RSBN1L: variants seen among roughly 807,000 people sequenced by gnomAD.
The protein encoded by RSBN1L is lysine-specific demethylase RSBN1L.
In RSBN1L, 30 loss-of-function variants were observed where a neutral mutation model predicts 67.7. The ratio of observed to expected loss-of-function variants is 0.44; its 90% confidence interval spans 0.33 to 0.60. The LOEUF is 0.60. Among genes scored for constraint, RSBN1L ranks in the 20% least tolerant of loss-of-function variants. The pLI is 0.02. For synonymous variants in RSBN1L, 433 were observed against 387.0 expected (o/e 1.12, Z -1.39); for missense variants, 992 against 1,031.7 (o/e 0.96, Z 0.53).
At chr7:77,771,127 A>G (rs899556394) in intron 5 of RSBN1L, among the ~76,000 whole-genome samples, 17 of 152,028 alleles carry the variant, frequency 1.1e-4, no homozygotes, top group Non-Finnish European at 1.5e-4. Flanking sequence ...TTTTCAGTAG[A>G]GATGGTGTTT....
chr7:77,751,917 C>CTA (rs1791561550), intron 3 of RSBN1L, among the ~76,000 whole-genome samples: 1 of 152,170 alleles, frequency 6.6e-6, no homozygotes, highest in Non-Finnish European at 1.5e-5. Flanking sequence ...TGCTTTGATA[C>CTA]TATGCAAGTT....
intron 5 of RSBN1L, among the ~76,000 whole-genome samples, chr7:77,771,974 C>T (rs1163736828): frequency 6.6e-6 from 1 of 152,074 alleles, no homozygotes; most frequent in Non-Finnish European, 1.5e-5. Flanking sequence ...TCAGGGTATA[C>T]AACCCATGGT....
intron 3 of RSBN1L, chr7:77,759,652 G>C (rs529902062): frequency 1.3e-5 from 2 of 152,174 alleles, no homozygotes; most frequent in Non-Finnish European, 2.9e-5. Flanking sequence ...CTCTAATAAT[G>C]ATCCTGTTTT....
intron 5 of RSBN1L, among the ~76,000 whole-genome samples, chr7:77,769,253 T>C (rs1791813974): frequency 1.3e-5 from 2 of 152,186 alleles, no homozygotes; most frequent in Non-Finnish European, 2.9e-5. Context: ...CATAAGGAAG[T>C]AAACTTTTCA....
At chr7:77,743,816 A>G (rs999056694) in intron 2 of RSBN1L, among the ~76,000 whole-genome samples, 4 of 151,994 alleles carry the variant, frequency 2.6e-5, no homozygotes, top group Admixed American at 1.3e-4. Flanking sequence ...TTTTTATTGC[A>G]TTACTGCCTT....
At chr7:77,772,514 G>A (rs1791862838) in intron 5 of RSBN1L, among the ~76,000 whole-genome samples, 1 of 152,252 alleles carries the variant, frequency 6.6e-6, no homozygotes, top group African/African-American at 2.4e-5. Flanking sequence ...TGGTGGAGGA[G>A]AGGGCCAGTG....
At chr7:77,765,697 A>G in intron 4 of RSBN1L, 65 bp downstream of exon 4, 1 of 1,142,584 alleles carries the variant, frequency 8.8e-7, no homozygotes, top group Non-Finnish European at 1.2e-6. Context: ...AACCAATATG[A>G]GTAATCTAAA....
At chr7:77,713,589 C>G (rs1791005464) in intron 1 of RSBN1L, among the ~76,000 whole-genome samples, 1 of 151,982 alleles carries the variant, frequency 6.6e-6, no homozygotes. Flanking sequence ...ATCTCCTGAC[C>G]TCATGATCCA....
intron 2 of RSBN1L, among the ~76,000 whole-genome samples, chr7:77,746,752 A>G (rs1334964135): frequency 6.6e-6 from 1 of 152,236 alleles, no homozygotes; most frequent in Non-Finnish European, 1.5e-5. Context: ...GGGTGGGTAT[A>G]GGCATTGAGT....
At chr7:77,698,566 C>G (rs1223230423) in intron 1 of RSBN1L, among the ~76,000 whole-genome samples, 5 of 152,094 alleles carry the variant, frequency 3.3e-5, no homozygotes, top group African/African-American at 1.2e-4. Flanking sequence ...TTTAACAATT[C>G]TAACTTAAAA....
At chr7:77,732,049 C>T (rs1791278760) in intron 1 of RSBN1L, among the ~76,000 whole-genome samples, 1 of 151,968 alleles carries the variant, frequency 6.6e-6, no homozygotes, top group East Asian at 1.9e-4. Flanking sequence ...AATGTGTAAT[C>T]CTTATATTTA....
At chr7:77,759,271 A>C (rs1791665413) in intron 3 of RSBN1L, among the ~76,000 whole-genome samples, 1 of 152,198 alleles carries the variant, frequency 6.6e-6, no homozygotes, top group Non-Finnish European at 1.5e-5. Flanking sequence ...CAAATACTTA[A>C]GAACTGATCT....
intron 1 of RSBN1L, among the ~76,000 whole-genome samples, chr7:77,713,227 T>C (rs533228782): frequency 6.6e-6 from 1 of 152,276 alleles, no homozygotes; most frequent in African/African-American, 2.4e-5. Flanking sequence ...AATTTTTTTC[T>C]CTCTAAACTA....
At chr7:77,731,335 A>G (rs559404519) in intron 1 of RSBN1L, among the ~76,000 whole-genome samples, 2 of 151,914 alleles carry the variant, frequency 1.3e-5, no homozygotes, top group Non-Finnish European at 2.9e-5. Context: ...TCAACCTCTC[A>G]CCTAAAACTC....
At chr7:77,771,511 CTT>C (rs10630112) in intron 5 of RSBN1L, among the ~76,000 whole-genome samples, 8 of 136,064 alleles carry the variant, frequency 5.9e-5, no homozygotes, top group Admixed American at 7.3e-5. Flanking sequence ...CTCAGCGACT[CTT>C]TTTTTTTTTT....
chr7:77,775,410 C>T (rs949735272), intron 6 of RSBN1L, among the ~76,000 whole-genome samples: 17 of 151,990 alleles, frequency 1.1e-4, no homozygotes, highest in Non-Finnish European at 2.2e-4. Context: ...ATGCCTATAA[C>T]GCCAGCTATT....
chr7:77,753,398 A>C (rs1791578822), intron 3 of RSBN1L, among the ~76,000 whole-genome samples: 1 of 152,170 alleles, frequency 6.6e-6, no homozygotes, highest in South Asian at 2.1e-4. Context: ...ACCTTTTTAT[A>C]TGATTATTAT....
intron 1 of RSBN1L, among the ~76,000 whole-genome samples, chr7:77,700,643 A>C (rs987104119): frequency 6.6e-6 from 1 of 152,236 alleles, no homozygotes; most frequent in Non-Finnish European, 1.5e-5. Context: ...AGTTTTTATC[A>C]TATGACTAAA....
intron 1 of RSBN1L, among the ~76,000 whole-genome samples, chr7:77,706,479 GA>G (rs1355759519): frequency 6.6e-6 from 1 of 152,158 alleles, no homozygotes; most frequent in Non-Finnish European, 1.5e-5. Context: ...CCAAAGTGCT[GA>G]GATTACAGGT....
Sources: allele counts gnomAD v4.1 joint callset (sites outside exome capture counted in the v4.1 genomes callset), GRCh38; gene constraint gnomAD v4.1.1; transcripts MANE v1.5; gene names NCBI Gene and HGNC (gene_info 2026-07-23, HGNC 2026-07-21).